SLC24A2: variants seen among roughly 807,000 people sequenced by gnomAD.
The protein encoded by SLC24A2 is solute carrier family 24 member 2, also known as sodium/potassium/calcium exchanger 2.
A neutral mutation model predicts 62.0 loss-of-function variants in SLC24A2; 36 were observed. The ratio of observed to expected loss-of-function variants is 0.58; its 90% CI spans 0.44 to 0.77. The LOEUF is 0.77. SLC24A2 is among the 30% of genes least tolerant of loss of function. SLC24A2 has a pLI of 0.00. For synonymous variants in SLC24A2, 358 were observed against 294.0 expected, an observed-to-expected ratio of 1.22 and a Z score of -2.23; for missense variants, 846 against 817.9, an observed-to-expected ratio of 1.03 and a Z score of -0.42.
At chr9:19,991,908 A>G in the SLC24A2 span, among the ~76,000 whole-genome samples, 3 of 152,308 alleles carry the variant, frequency 2.0e-5, no homozygotes, top group South Asian at 6.2e-4. Context: ...CAGAGACCCT[A>G]GAGACATTTC....
At chr9:19,686,030 T>C (rs1819871086) in intron 2 of SLC24A2, among the ~76,000 whole-genome samples, 1 of 151,988 alleles carries the variant, frequency 6.6e-6, no homozygotes, top group African/African-American at 2.4e-5. Context: ...TCAACAAAGG[T>C]ATAATATCCA....
chr9:19,723,960 T>C (rs1004318153), intron 2 of SLC24A2, among the ~76,000 whole-genome samples: 2 of 152,126 alleles, frequency 1.3e-5, no homozygotes, highest in African/African-American at 4.8e-5. Context: ...AAATTTACAT[T>C]TGTTGGAATG....
intron 2 of SLC24A2, among the ~76,000 whole-genome samples, chr9:19,625,738 G>C (rs1463798481): frequency 6.7e-6 from 1 of 148,580 alleles, no homozygotes; most frequent in East Asian, 2.0e-4. Flanking sequence ...CCAGGTTGGA[G>C]TGCAATGGCA....
chr9:19,766,859 C>T (rs1290248971), intron 2 of SLC24A2, among the ~76,000 whole-genome samples: 1 of 152,176 alleles, frequency 6.6e-6, no homozygotes, highest in Non-Finnish European at 1.5e-5. Context: ...AGCCGGCAGG[C>T]AGGGACGTTT....
the SLC24A2 span, among the ~76,000 whole-genome samples, chr9:19,819,741 T>A: frequency 7.2e-5 from 11 of 151,830 alleles, no homozygotes; most frequent in Non-Finnish European, 1.3e-4. Flanking sequence ...AGGGAACATA[T>A]CTACACTGCT....
chr9:19,593,848 T>C (rs1836626882), intron 5 of SLC24A2, among the ~76,000 whole-genome samples: 1 of 152,148 alleles, frequency 6.6e-6, no homozygotes, highest in African/African-American at 2.4e-5. Flanking sequence ...CTCTGAGTCT[T>C]AGTTTCCTCA....
chr9:19,666,048 T>C (rs927457062), intron 2 of SLC24A2, among the ~76,000 whole-genome samples: 1 of 152,228 alleles, frequency 6.6e-6, no homozygotes, highest in African/African-American at 2.4e-5. Flanking sequence ...GGTTAGCTTT[T>C]ATAAAATATT....
At chr9:19,912,272 T>C in the SLC24A2 span, among the ~76,000 whole-genome samples, 1 of 152,154 alleles carries the variant, frequency 6.6e-6, no homozygotes, top group Non-Finnish European at 1.5e-5. Context: ...ATGCAGATAC[T>C]GAGCCTATTA....
chr9:20,173,696 T>C, the SLC24A2 span, among the ~76,000 whole-genome samples: 833 of 152,092 alleles, frequency 5.5e-3, 13 homozygotes, highest in African/African-American at 0.019. Flanking sequence ...AAATAAATCA[T>C]AGAACACACA....
intron 2 of SLC24A2, among the ~76,000 whole-genome samples, chr9:19,723,973 T>G (rs1307374409): frequency 6.6e-6 from 1 of 152,142 alleles, no homozygotes; most frequent in African/African-American, 2.4e-5. Context: ...TTGGAATGCA[T>G]TTAACTATTT....
At chr9:20,235,503 ACT>A in the SLC24A2 span, among the ~76,000 whole-genome samples, 1 of 152,058 alleles carries the variant, frequency 6.6e-6, no homozygotes, top group Middle Eastern at 3.4e-3. Flanking sequence ...AATGAGCGAG[ACT>A]CTGTGGGCGT....
At chr9:19,610,117 T>G (rs570480231) in intron 4 of SLC24A2, among the ~76,000 whole-genome samples, 10 of 152,202 alleles carry the variant, frequency 6.6e-5, no homozygotes, top group Non-Finnish European at 1.0e-4. Context: ...CTATGTTTCT[T>G]AAGGTGTCTA....
At chr9:19,743,661 C>G (rs1948666661) in intron 2 of SLC24A2, among the ~76,000 whole-genome samples, 1 of 152,224 alleles carries the variant, frequency 6.6e-6, no homozygotes, top group African/African-American at 2.4e-5. Context: ...TTCTGAATTA[C>G]TTGCTAAGTA....
At chr9:20,034,515 A>G in the SLC24A2 span, among the ~76,000 whole-genome samples, 1 of 126,774 alleles carries the variant, frequency 7.9e-6, no homozygotes, top group East Asian at 2.6e-4. Flanking sequence ...GCTGGAATGC[A>G]GTGGCGCGAT....
At chr9:20,248,618 C>A in the SLC24A2 span, among the ~76,000 whole-genome samples, 3 of 152,194 alleles carry the variant, frequency 2.0e-5, no homozygotes, top group Admixed American at 2.0e-4. Flanking sequence ...CCACCAAAGG[C>A]TCCACCTCTG....
the SLC24A2 span, among the ~76,000 whole-genome samples, chr9:20,031,351 TTATATATATA>T: frequency 7.1e-6 from 1 of 141,640 alleles, no homozygotes; most frequent in African/African-American, 2.6e-5. Context: ...TACACACACT[TTATATATATA>T]TATATATATA....
At chr9:20,148,776 G>A in the SLC24A2 span, among the ~76,000 whole-genome samples, 1 of 152,022 alleles carries the variant, frequency 6.6e-6, no homozygotes, top group South Asian at 2.1e-4. Context: ...AGAAGTCCCA[G>A]TCTCAACACA....
the SLC24A2 span, among the ~76,000 whole-genome samples, chr9:20,306,200 T>C: frequency 1.3e-5 from 2 of 152,216 alleles, no homozygotes. Flanking sequence ...AGCTACCCCA[T>C]GTTGTGTTGG....
At chr9:20,096,042 G>C in the SLC24A2 span, among the ~76,000 whole-genome samples, 3 of 152,032 alleles carry the variant, frequency 2.0e-5, no homozygotes. Flanking sequence ...TGAGATGTAG[G>C]TGGGAACACA....
Sources: gnomAD v4.1 joint callset for allele counts (sites outside exome capture counted in the v4.1 genomes callset) on GRCh38, gnomAD v4.1.1 for gene constraint, MANE v1.5 for transcripts, NCBI Gene and HGNC (gene_info 2026-07-23, HGNC 2026-07-21) for gene names.